The following RNF130 variants were observed in gnomAD, a reference collection of about 807,000 sequenced individuals.
RNF130 encodes E3 ubiquitin-protein ligase RNF130.
A neutral mutation model predicts 44.6 loss-of-function variants in RNF130; 21 were observed. The observed-to-expected ratio is 0.47, with a 90% CI of 0.33 to 0.68. RNF130 has a LOEUF of 0.68. RNF130 is among the 30% of genes least tolerant of loss of function. The pLI, the probability that RNF130 is intolerant of heterozygous loss-of-function variation, is 0.02. For missense variants in RNF130, 479 were observed against 560.6 expected (o/e 0.85, Z 1.47); for synonymous variants, 214 against 210.4 (o/e 1.02, Z -0.15).
chr5:179,958,296 A>C (rs1665530958), intron 8 of RNF130, among the ~76,000 whole-genome samples: 1 of 152,254 alleles, frequency 6.6e-6, no homozygotes, highest in South Asian at 2.1e-4. Flanking sequence ...GACTGACTAC[A>C]TCAGAGAATA....
intron 1 of RNF130, among the ~76,000 whole-genome samples, chr5:180,040,878 T>G (rs1244484800): frequency 6.6e-6 from 1 of 152,144 alleles, no homozygotes; most frequent in Admixed American, 6.5e-5. Context: ...CAATGAAAAT[T>G]TCTTAACTTT....
At chr5:180,070,001 C>T (rs1407808209) in intron 1 of RNF130, among the ~76,000 whole-genome samples, 1 of 152,188 alleles carries the variant, frequency 6.6e-6, no homozygotes, top group African/African-American at 2.4e-5. Context: ...CCTGATGGAA[C>T]CAAGCCTCAA....
rs552198021 is a variant in RNF130 at position 180,053,762 on chromosome 5, GC to G, written c.248-13116del. 2.6e-5 allele frequency among the ~76,000 whole-genome samples: 4 copies of G among 151,812 alleles called. No homozygotes were observed. In the South Asian group the frequency reaches 8.3e-4, roughly 32 times the overall value. ...TACCACAGAGAATAACCTGAGAACTGCAACAAGCACGGCTACATGACACTGA... is the reference window on the plus strand; with the variant it reads ...TACCACAGAGAATAACCTGAGAACTGAACAAGCACGGCTACATGACACTGA... On this transcript the variant is annotated intron_variant, in intron 1 of 8. Transcript: ENST00000521389.
chr5:179,929,558 G>C (rs1443367410), intron 7 of RNF130, among the ~76,000 whole-genome samples: 1 of 152,016 alleles, frequency 6.6e-6, no homozygotes, highest in Non-Finnish European at 1.5e-5. Flanking sequence ...GACCAGCCTG[G>C]GCAACATGGC....
At chr5:179,918,601 TG>T (rs1761584792) in exon 8 of RNF130, 1 of 152,224 alleles carries the variant, frequency 6.6e-6, no homozygotes, top group African/African-American at 2.4e-5. Context: ...TGGGGAAACC[TG>T]CTTTTCTGAA....
chr5:179,955,024 A>T (rs1415310965), downstream of RNF130: 1 of 152,240 alleles, frequency 6.6e-6, no homozygotes, highest in Non-Finnish European at 1.5e-5. Flanking sequence ...ATAATTTATT[A>T]CTAATTAGAT....
At chr5:180,009,338 G>A (rs1763532530) in intron 3 of RNF130, among the ~76,000 whole-genome samples, 2 of 152,308 alleles carry the variant, frequency 1.3e-5, no homozygotes, top group South Asian at 4.1e-4. Flanking sequence ...GATAATCTCT[G>A]CAAGCCACAT....
At chr5:179,985,687 T>C (rs954124360) in intron 3 of RNF130, among the ~76,000 whole-genome samples, 17 of 152,214 alleles carry the variant, frequency 1.1e-4, no homozygotes, top group African/African-American at 4.1e-4. Context: ...ATGGTATTTA[T>C]AATTTCCCTT....
At chr5:180,064,161 G>A (rs1030346832) in intron 1 of RNF130, among the ~76,000 whole-genome samples, 1 of 152,164 alleles carries the variant, frequency 6.6e-6, no homozygotes, top group African/African-American at 2.4e-5. Flanking sequence ...TTTAACAGTA[G>A]CTTTCCCTGA....
chr5:180,055,010 G>C (rs1189543491), intron 1 of RNF130, among the ~76,000 whole-genome samples: 1 of 151,856 alleles, frequency 6.6e-6, no homozygotes, highest in Non-Finnish European at 1.5e-5. Context: ...AAATGTATTT[G>C]AGTTTTTAAA....
chr5:180,000,277 G>C (rs2113056463), intron 3 of RNF130, among the ~76,000 whole-genome samples: 1 of 152,194 alleles, frequency 6.6e-6, no homozygotes, highest in East Asian at 1.9e-4. Flanking sequence ...TCTGTTTTTA[G>C]TCTAATAGGG....
chr5:179,924,874 A>G (rs1761684285), intron 7 of RNF130, among the ~76,000 whole-genome samples: 1 of 152,196 alleles, frequency 6.6e-6, no homozygotes, highest in East Asian at 1.9e-4. Context: ...TCTAAGAGCA[A>G]GGTCCCACAT....
chr5:180,030,618 C>T (rs886116195), intron 2 of RNF130, among the ~76,000 whole-genome samples: 7 of 152,154 alleles, frequency 4.6e-5, no homozygotes, highest in African/African-American at 1.7e-4. Context: ...AAGGGTGCTC[C>T]TGCCTCAGTC....
intron 1 of RNF130, among the ~76,000 whole-genome samples, chr5:180,056,483 T>C (rs746677053): frequency 5.3e-5 from 8 of 152,022 alleles, no homozygotes; most frequent in Non-Finnish European, 1.0e-4. Context: ...TACTTAGATA[T>C]GGGAGTGGGG....
At chr5:180,042,804 A>C (rs987212865) in intron 1 of RNF130, among the ~76,000 whole-genome samples, 11 of 152,226 alleles carry the variant, frequency 7.2e-5, no homozygotes, top group African/African-American at 2.7e-4. Context: ...TCTGTGACTT[A>C]TCTCTTCTTC....
chr5:179,959,314 T>G (rs973145536), intron 8 of RNF130, among the ~76,000 whole-genome samples: 1 of 152,172 alleles, frequency 6.6e-6, no homozygotes, highest in South Asian at 2.1e-4. Context: ...CCTTTTATGC[T>G]GAGTGTGCTA....
chr5:179,937,122 C>G (rs912838616), intron 7 of RNF130, among the ~76,000 whole-genome samples: 1 of 152,054 alleles, frequency 6.6e-6, no homozygotes, highest in African/African-American at 2.4e-5. Context: ...ATCATCAAAA[C>G]GAAATATCAT....
chr5:180,063,211 G>T (rs1011601259), intron 1 of RNF130, among the ~76,000 whole-genome samples: 1 of 152,152 alleles, frequency 6.6e-6, no homozygotes, highest in Non-Finnish European at 1.5e-5. Flanking sequence ...ATTGAAAGAA[G>T]TTAAGAAAAA....
chr5:179,966,119 C>G (rs1435737529), intron 7 of RNF130, among the ~76,000 whole-genome samples: 1 of 152,192 alleles, frequency 6.6e-6, no homozygotes, highest in Admixed American at 6.5e-5. Flanking sequence ...CCTACACACA[C>G]GCTGTCAGCT....
Sources: allele counts gnomAD v4.1 joint callset (sites outside exome capture counted in the v4.1 genomes callset), GRCh38; gene constraint gnomAD v4.1.1; transcripts MANE v1.5; gene names NCBI Gene and HGNC (gene_info 2026-07-23, HGNC 2026-07-21).